The following MINK1 variants were observed in gnomAD, a reference collection of about 807,000 sequenced individuals.
MINK1 encodes misshapen-like kinase 1.
MINK1 carries 46 observed loss-of-function variants against 178.4 expected under a neutral mutation model. The ratio of observed to expected loss-of-function variants is 0.26; its 90% confidence interval spans 0.20 to 0.33. MINK1 has a LOEUF of 0.33. Among genes scored for constraint, MINK1 ranks in the 10% least tolerant of loss-of-function variants. The pLI is 1.00. For synonymous variants in MINK1, 797 were observed against 709.7 expected, an observed-to-expected ratio of 1.12 and a Z score of -1.96; for missense variants, 1,366 against 1,814.9, an observed-to-expected ratio of 0.75 and a Z score of 4.49.
intron 1 of MINK1, among the ~76,000 whole-genome samples, chr17:4,867,382 G>A (rs2150925033): frequency 6.6e-6 from 1 of 151,752 alleles, no homozygotes; most frequent in South Asian, 2.1e-4. Flanking sequence ...AGGTACAATG[G>A]CTCACAATTG....
intron 1 of MINK1, chr17:4,844,560 G>C: frequency 2.0e-6 from 1 of 510,862 alleles, no homozygotes; most frequent in South Asian, 1.4e-5. Context: ...GAGGTGGGGA[G>C]AGTGAGTGAC....
Position 4,896,471 on chromosome 17 carries a change from AACACCGACG to A in MINK1, c.3659_3667del (p.Asn1220_Gly1223delinsSer). On this transcript the variant is annotated inframe_deletion, in exon 30 of 32. Transcript: ENST00000355280. The surrounding 1 kb of genome is among the most constrained non-coding windows in gnomAD (Gnocchi z 4.6). ...GCCCCATGCCATCATCTTCCTCCCC[AACACCGACG>A]GCATGGAGATGCTGCTGTGCTACGA... 6.2e-7 allele frequency: 1 copy of A among 1,613,756 alleles called. No individual in the cohort carries two copies. Among genetic ancestry groups the A allele is most frequent in the Non-Finnish European group, 8.5e-7 (1 of 1,179,820 alleles).
intron 1 of MINK1, chr17:4,859,102 A>T (rs1913690648): frequency 1.0e-6 from 1 of 983,932 alleles, no homozygotes; most frequent in Non-Finnish European, 1.2e-6. Context: ...GCCGGGGCAT[A>T]TCTGAGTGAA....
In MINK1 at chr17:4,833,393, G is replaced by A; in HGVS notation, c.-191G>A. 1.9e-6 allele frequency: 1 copy of A among 536,592 alleles called. No homozygotes were observed. The allele number at this position is 536,592 out of a possible 1,614,324, so 33.2% of individuals were successfully genotyped here. On this transcript the variant is annotated 5_prime_UTR_variant, in exon 1 of 32. Transcript: ENST00000355280. This position sits in a 1 kb window ranked among gnomAD's most constrained non-coding sequence, Gnocchi z 4.8. ...GAGAGGTGGTAGGCTCGGGTGGCTG[G>A]CTCCGGGGAGATAGCGCCTGTCAGT...
chr17:4,864,219 G>A (rs1330906514), intron 1 of MINK1, among the ~76,000 whole-genome samples: 2 of 149,898 alleles, frequency 1.3e-5, no homozygotes, highest in Non-Finnish European at 3.0e-5. Flanking sequence ...GACCGACATG[G>A]AGAAACCCCG....
intron 1 of MINK1, among the ~76,000 whole-genome samples, chr17:4,852,799 T>G (rs531258266): frequency 0.012 from 4 of 338 alleles, no homozygotes; most frequent in Admixed American, 0.038. Flanking sequence ...GTGGAGTGTG[T>G]TTGGTGGGGG....
intron 21 of MINK1, 144 bp downstream of exon 21, chr17:4,893,741 G>C: frequency 1.6e-6 from 2 of 1,235,916 alleles, no homozygotes; most frequent in Non-Finnish European, 2.2e-6. Flanking sequence ...GCAGGTTCCT[G>C]TCTCTCTCCC....
In MINK1 at chr17:4,896,603, G is replaced by A. The variant is rs376534874; in HGVS notation, c.3775+15G>A. 8.4e-5 allele frequency: 135 copies of A among 1,613,120 alleles called. 1 individual carries two copies. Among genetic ancestry groups the A allele is most frequent in the African/African-American group, 1.1e-4 (8 of 74,894 alleles). ...TACTTCTGTGGGTGAGTGAGCTGCCGCCCTCCCAGCCACATGCCCCGAGGT... is the reference window on the plus strand; with the variant it reads ...TACTTCTGTGGGTGAGTGAGCTGCCACCCTCCCAGCCACATGCCCCGAGGT... On this transcript the variant is annotated intron_variant, in intron 30 of 31. Coordinates refer to ENST00000355280, the MANE Select transcript of MINK1 (RefSeq NM_153827.5). This position sits in a 1 kb window ranked among gnomAD's most constrained non-coding sequence, Gnocchi z 4.6.
At chr17:4,859,363 C>G (rs1301701476) in intron 1 of MINK1, 2 of 910,540 alleles carry the variant, frequency 2.2e-6, no homozygotes, top group South Asian at 5.1e-5. Flanking sequence ...CCTGCTTCCC[C>G]TGCAGTTTCC....
chr17:4,859,292 G>A (rs930361628), intron 1 of MINK1: 2 of 985,320 alleles, frequency 2.0e-6, no homozygotes, highest in African/African-American at 1.7e-5. Context: ...TTCCAGCACC[G>A]AAATTCAAGA....
chr17:4,847,500 A>G (rs2150782266), intron 1 of MINK1, among the ~76,000 whole-genome samples: 1 of 152,302 alleles, frequency 6.6e-6, no homozygotes, highest in Non-Finnish European at 1.5e-5. Context: ...AGGATTCCCT[A>G]AGATCCCTTC....
At position 4,896,885 on chromosome 17, in the gene MINK1, T is replaced by C. The variant is rs758820679; in HGVS notation, c.3915+72T>C. 47 of 1,491,618 alleles carry C rather than the reference T, an allele frequency of 3.2e-5. No individual in the cohort carries two copies. Among genetic ancestry groups the C allele is most frequent in the Non-Finnish European group, 4.2e-5 (47 of 1,122,062 alleles). The allele number at this position is 1,491,618 out of a possible 1,614,324, so 92.4% of individuals were successfully genotyped here. A position where few individuals can be genotyped will look rare whatever the true frequency, so the allele number is the denominator to read the frequency against. On this transcript the variant is annotated intron_variant, in intron 31 of 31. Transcript: ENST00000355280. The surrounding 1 kb of genome is among the most constrained non-coding windows in gnomAD (Gnocchi z 4.6). Reference sequence around the variant, plus strand: ...GACCCTAGGCCCCTGGGCAGAGTTCTGGGGAGAGGATGGTGGTGGTGGCTT... The same window carrying C: ...GACCCTAGGCCCCTGGGCAGAGTTCCGGGGAGAGGATGGTGGTGGTGGCTT...
intron 31 of MINK1, 48 bp from the exon 32 acceptor site, chr17:4,897,156 A>G (rs1459311198): frequency 6.6e-7 from 1 of 1,512,354 alleles, no homozygotes. Context: ...CAGTTGAGAC[A>G]CCCCCCCAAC....
At chr17:4,884,260 A>G (rs1967998800) in intron 4 of MINK1, 103 bp from the exon 5 acceptor site, 1 of 842,964 alleles carries the variant, frequency 1.2e-6, no homozygotes. Flanking sequence ...TCTAACCCCA[A>G]GGTCTCTTAT....
chr17:4,887,687 A>AGCAGCAGCAGCAGCT lies in MINK1; in HGVS notation c.1141_1142insTGCAGCAGCAGCAGC (p.Gln380_Arg381insLeuGlnGlnGlnGln). The AGCAGCAGCAGCAGCT allele has an allele frequency of 6.6e-7, 1 of 1,517,630 alleles. No individual in the cohort carries two copies. The highest frequency in any genetic ancestry group is 8.9e-7 in the Non-Finnish European group (1 of 1,129,130). 94.0% of individuals were successfully genotyped at this position (1,517,630 alleles called of 1,614,324 possible). On this transcript the variant is annotated inframe_insertion, in exon 12 of 32. Coordinates refer to ENST00000355280, the MANE Select transcript of MINK1 (RefSeq NM_153827.5). This position sits in a 1 kb window ranked among gnomAD's most constrained non-coding sequence, Gnocchi z 7.6. Reference sequence around the variant, plus strand: ...GCTTTAAAACAGCAGCAGCAGCTGCAGCAGCAGCAGCAGCGAGACCCCGAG... The same window carrying AGCAGCAGCAGCAGCT: ...GCTTTAAAACAGCAGCAGCAGCTGCAGCAGCAGCAGCAGCTGCAGCAGCAGCAGCGAGACCCCGAG...
At chr17:4,859,890 G>A (rs1913856701) in intron 1 of MINK1, among the ~76,000 whole-genome samples, 1 of 151,468 alleles carries the variant, frequency 6.6e-6, no homozygotes, top group Non-Finnish European at 1.5e-5. Flanking sequence ...CCCCTCAAAG[G>A]GTTTCATCTA....
chr17:4,851,046 A>T (rs1161290358), intron 1 of MINK1: 9 of 458,196 alleles, frequency 2.0e-5, no homozygotes, highest in Non-Finnish European at 4.0e-5. Flanking sequence ...CTTCTGTCTC[A>T]CCTGCCTTCC....
chr17:4,857,191 C>T, intron 1 of MINK1: 1 of 311,592 alleles, frequency 3.2e-6, no homozygotes. Context: ...GTGATGATAC[C>T]AGCCATGACC....
chr17:4,833,419 C>T lies in MINK1; in HGVS notation c.-165C>T, dbSNP rs1168333682. 1.3e-5 allele frequency: 7 copies of T among 558,622 alleles called. No homozygotes were observed. The highest frequency in any genetic ancestry group is 1.0e-4 in the African/African-American group (5 of 49,678). The allele number at this position is 558,622 out of a possible 1,614,324, so 34.6% of individuals were successfully genotyped here. On this transcript the variant is annotated 5_prime_UTR_variant, in exon 1 of 32. Coordinates refer to ENST00000355280, the MANE Select transcript of MINK1 (RefSeq NM_153827.5). This position sits in a 1 kb window ranked among gnomAD's most constrained non-coding sequence, Gnocchi z 4.8. The stretch of plus-strand genomic sequence containing the variant: ...CTCCGGGGAGATAGCGCCTGTCAGT[C>T]GGTGGGTCGGTCCTCGCGCCGGCCC...
Sources: allele counts gnomAD v4.1 joint callset (sites outside exome capture counted in the v4.1 genomes callset), GRCh38; gene constraint gnomAD v4.1.1; non-coding constraint Gnocchi (gnomAD v3.1); transcripts MANE v1.5; gene names NCBI Gene and HGNC (gene_info 2026-07-23, HGNC 2026-07-21).